Variants in LRRC28 observed in about 807,000 individuals in gnomAD.
LRRC28 encodes leucine rich repeat containing 28.
A neutral mutation model predicts 45.7 loss-of-function variants in LRRC28; 39 were observed. The ratio of observed to expected loss-of-function variants is 0.85; its 90% CI spans 0.66 to 1.12. LRRC28 has a LOEUF of 1.12. Among genes scored for constraint, LRRC28 ranks in the 50% most tolerant of loss-of-function variants. LRRC28 has a pLI of 0.00. For synonymous variants in LRRC28, 206 were observed against 178.8 expected, an observed-to-expected ratio of 1.15 and a Z score of -1.22; for missense variants, 435 against 438.5, an observed-to-expected ratio of 0.99 and a Z score of 0.07.
At chr15:99,350,142 CAAAAAAA>C (rs71149462) in intron 6 of LRRC28, among the ~76,000 whole-genome samples, 9 of 97,896 alleles carry the variant, frequency 9.2e-5, no homozygotes, top group South Asian at 3.6e-4. Flanking sequence ...GACTCCGTCT[CAAAAAAA>C]AAAAAAAAAA....
intron 2 of LRRC28, among the ~76,000 whole-genome samples, chr15:99,269,550 C>T (rs1024291966): frequency 1.3e-5 from 2 of 152,028 alleles, no homozygotes; most frequent in African/African-American, 4.8e-5. Flanking sequence ...ATTACAGGCA[C>T]CCGCCATCAC....
chr15:99,285,037 G>A (rs1597235463), intron 3 of LRRC28: 2 of 655,372 alleles, frequency 3.1e-6, no homozygotes, highest in African/African-American at 1.8e-5. Context: ...TCTTGGCTTT[G>A]ATGGGGCTTT....
At chr15:99,329,199 A>T (rs1248197120) in intron 5 of LRRC28, among the ~76,000 whole-genome samples, 5 of 152,216 alleles carry the variant, frequency 3.3e-5, no homozygotes, top group Non-Finnish European at 7.3e-5. Flanking sequence ...ATGGTAAAAG[A>T]TAAATTTTAA....
intron 5 of LRRC28, among the ~76,000 whole-genome samples, chr15:99,296,298 C>A (rs1159578368): frequency 6.6e-6 from 1 of 152,184 alleles, no homozygotes; most frequent in Admixed American, 6.5e-5. Flanking sequence ...TCATCACTTC[C>A]ATTGTGCCTA....
At chr15:99,341,083 CTTTTTTTT>C (rs528372394) in intron 6 of LRRC28, among the ~76,000 whole-genome samples, 27,460 of 100,328 alleles carry the variant, frequency 0.27, 2,706 homozygotes, top group African/African-American at 0.4. Flanking sequence ...ATTCTACTGT[CTTTTTTTT>C]TTTTTTTTTT....
intron 5 of LRRC28, among the ~76,000 whole-genome samples, chr15:99,318,426 TA>T (rs1376226287): frequency 5.3e-5 from 8 of 152,086 alleles, no homozygotes; most frequent in Non-Finnish European, 1.2e-4. Flanking sequence ...ATTAAATAAT[TA>T]ATTTTTATTA....
intron 9 of LRRC28, among the ~76,000 whole-genome samples, chr15:99,369,108 C>T (rs1957414492): frequency 6.6e-6 from 1 of 152,176 alleles, no homozygotes; most frequent in South Asian, 2.1e-4. Context: ...TCTGAGACCT[C>T]ACCAGAAGCA....
intron 2 of LRRC28, among the ~76,000 whole-genome samples, chr15:99,265,776 A>C (rs995665200): frequency 6.6e-6 from 1 of 152,228 alleles, no homozygotes; most frequent in Non-Finnish European, 1.5e-5. Flanking sequence ...CCTATGGCTT[A>C]ACCTCTTTGG....
chr15:99,369,155 T>C (rs545243252), intron 9 of LRRC28, among the ~76,000 whole-genome samples: 27 of 152,342 alleles, frequency 1.8e-4, no homozygotes, highest in African/African-American at 6.5e-4. Flanking sequence ...ATTCTGTTCC[T>C]GACAATGTAT....
At chr15:99,334,399 A>AAG (rs1289558588) in intron 6 of LRRC28, among the ~76,000 whole-genome samples, 1 of 126,892 alleles carries the variant, frequency 7.9e-6, no homozygotes. Flanking sequence ...AAAGGAATTA[A>AAG]AGAGTGTGTG....
chr15:99,287,698 A>G (rs2081994645), intron 4 of LRRC28, 116 bp from the exon 5 acceptor site: 1 of 1,105,464 alleles, frequency 9.0e-7, no homozygotes, highest in Non-Finnish European at 1.3e-6. Context: ...CTATTTTGTG[A>G]GCAACTGAGA....
intron 5 of LRRC28, among the ~76,000 whole-genome samples, chr15:99,298,035 T>C (rs2152236749): frequency 6.6e-6 from 1 of 152,102 alleles, no homozygotes; most frequent in Middle Eastern, 3.4e-3. Flanking sequence ...CAAAAGTTCA[T>C]TGCTACAATA....
intron 6 of LRRC28, among the ~76,000 whole-genome samples, chr15:99,351,753 C>T (rs533412773): frequency 6.6e-6 from 1 of 152,178 alleles, no homozygotes; most frequent in African/African-American, 2.4e-5. Context: ...CTTGTTAAAG[C>T]ATAGTAAGGA....
chr15:99,310,992 G>A (rs1004945168), intron 5 of LRRC28, among the ~76,000 whole-genome samples: 6 of 152,292 alleles, frequency 3.9e-5, no homozygotes, highest in African/African-American at 9.6e-5. Flanking sequence ...ACCACAGTGA[G>A]TAATGCACGT....
chr15:99,298,120 T>G (rs1364333846), intron 5 of LRRC28, among the ~76,000 whole-genome samples: 1 of 152,264 alleles, frequency 6.6e-6, no homozygotes, highest in Non-Finnish European at 1.5e-5. Flanking sequence ...CAATCATGCT[T>G]ACTGCACGTT....
intron 5 of LRRC28, among the ~76,000 whole-genome samples, chr15:99,292,804 A>G (rs949846011): frequency 2.0e-5 from 3 of 152,214 alleles, no homozygotes; most frequent in African/African-American, 4.8e-5. Context: ...GTCAGGGATG[A>G]TAGCAGCCGA....
chr15:99,256,438 G>T (rs894044709), intron 2 of LRRC28: 2 of 177,634 alleles, frequency 1.1e-5, no homozygotes, highest in Non-Finnish European at 2.3e-5. Context: ...TAATTTGTTT[G>T]TGTGTTAAGC....
chr15:99,368,195 C>G (rs954152446), intron 9 of LRRC28, among the ~76,000 whole-genome samples: 2 of 152,168 alleles, frequency 1.3e-5, no homozygotes, highest in Admixed American at 6.6e-5. Context: ...CCCTTAAGTT[C>G]AAAATCTCAT....
At chr15:99,302,528 A>G (rs1363204119) in intron 5 of LRRC28, among the ~76,000 whole-genome samples, 4 of 152,206 alleles carry the variant, frequency 2.6e-5, no homozygotes, top group Non-Finnish European at 4.4e-5. Flanking sequence ...AGCTGGGATT[A>G]CAGGCATGTG....
Sources: allele counts gnomAD v4.1 joint callset (sites outside exome capture counted in the v4.1 genomes callset), GRCh38; gene constraint gnomAD v4.1.1; transcripts MANE v1.5; gene names NCBI Gene and HGNC (gene_info 2026-07-23, HGNC 2026-07-21).